Variants in DOCK10 observed in about 807,000 individuals in gnomAD.
DOCK10 encodes dedicator of cytokinesis 10.
DOCK10 carries 145 observed loss-of-function variants against 280.1 expected under a neutral mutation model. The ratio of observed to expected loss-of-function variants is 0.52; its 90% CI spans 0.45 to 0.59. The LOEUF is 0.59. Among genes scored for constraint, DOCK10 ranks in the 20% least tolerant of loss-of-function variants. The pLI is 0.00. For missense variants in DOCK10, 2,368 were observed against 2,651.7 expected (o/e 0.89, Z 2.35); for synonymous variants, 915 against 942.2 (o/e 0.97, Z 0.53).
At chr2:224,858,011 G>A (rs370486972) in intron 14 of DOCK10, among the ~76,000 whole-genome samples, 16 of 152,198 alleles carry the variant, frequency 1.1e-4, no homozygotes, top group African/African-American at 3.9e-4. Flanking sequence ...GTGAATGAGG[G>A]AAGGTAAAAA....
Position 224,796,350 on chromosome 2 carries a change from G to A in DOCK10, c.4904C>T (p.Thr1635Ile), listed in dbSNP as rs201607784. The A allele has an allele frequency of 1.3e-6, 2 of 1,570,652 alleles. No homozygotes were observed. The highest frequency in any genetic ancestry group is 1.2e-5 in the South Asian group (1 of 85,364). The change falls in exon 44 of 56, where the codon ACC becomes ATC. Residue 1635 changes from threonine (T) to isoleucine (I), a missense_variant. Physicochemically the swap from Thr to Ile is moderately conservative, Grantham distance 89. Transcript: ENST00000258390. Reference protein sequence around the residue: ...GSRFQHSLAITNNFANGDKQM... With the variant: ...GSRFQHSLAIINNFANGDKQM... ...CTTATCTCCATTGGCGAAATTATTG[G>A]TAATTGCAAGCGAATGTTGAAACCG...
rs769404710 is a variant in DOCK10 at position 224,807,982 on chromosome 2, T to A, written c.3514A>T (p.Arg1172Ter). The change falls in exon 32 of 56, where the codon AGA becomes TGA. Residue 1172 changes from arginine (R) to a stop codon, truncating the protein, a stop_gained. Coordinates refer to ENST00000258390, the MANE Select transcript of DOCK10 (RefSeq NM_014689.3). LOFTEE classifies it high-confidence loss of function. Reference sequence around the variant, plus strand: ...TTTAGGACAGCTAAAGCTAAGTGTCTGACATCTTGGTCTTCCTGCAGGGCA... The same window carrying A: ...TTTAGGACAGCTAAAGCTAAGTGTCAGACATCTTGGTCTTCCTGCAGGGCA... ...GFALQEDQDV[R>*]HLALAVLKNL... 6.2e-7 allele frequency: 1 copy of A among 1,613,014 alleles called. No individual in the cohort carries two copies. The highest frequency in any genetic ancestry group is 8.5e-7 in the Non-Finnish European group (1 of 1,179,432).
intron 1 of DOCK10, chr2:224,946,970 G>C: frequency 6.5e-7 from 1 of 1,532,908 alleles, no homozygotes; most frequent in Non-Finnish European, 8.8e-7. Context: ...TATAATTTGA[G>C]TCACAAAATA....
At position 224,797,096 on chromosome 2, in the gene DOCK10, A is replaced by G. The variant is rs757789328; in HGVS notation, c.4695T>C (p.Cys1565=). 1 of 1,613,562 alleles carries G rather than the reference A, an allele frequency of 6.2e-7. No homozygotes were observed. The highest frequency in any genetic ancestry group is 1.1e-5 in the South Asian group (1 of 90,994). The change falls in exon 43 of 56, where the codon TGT becomes TGC. Residue 1565 remains cysteine (C), a synonymous_variant. Transcript: ENST00000258390. ...GGTTACAGCATTTTAGGACTTCGTA[A>G]CAGAATGATCCACAGAGGTCAGCAG... ...QGPADLCGSF[C]YEVLKCCNHR...
intron 1 of DOCK10, among the ~76,000 whole-genome samples, chr2:224,962,182 C>G (rs1259185417): frequency 2.6e-5 from 4 of 152,152 alleles, no homozygotes; most frequent in Admixed American, 6.5e-5. Flanking sequence ...GCAGTTTGAC[C>G]AAGATACTTG....
intron 11 of DOCK10, among the ~76,000 whole-genome samples, chr2:224,865,825 ACCT>A (rs1265992637): frequency 6.7e-6 from 1 of 150,138 alleles, no homozygotes; most frequent in Non-Finnish European, 1.5e-5. Flanking sequence ...TCAACTGTTA[ACCT>A]CCTGTTTCTC....
intron 1 of DOCK10, among the ~76,000 whole-genome samples, chr2:224,983,085 G>A (rs1410491355): frequency 1.3e-5 from 2 of 152,140 alleles, no homozygotes; most frequent in Non-Finnish European, 2.9e-5. Context: ...TTACATACGC[G>A]GCTTGCAGGG....
At chr2:224,789,253 A>G (rs1224742352) in intron 47 of DOCK10, 83 bp from the exon 48 acceptor site, 1 of 787,734 alleles carries the variant, frequency 1.3e-6, no homozygotes, top group Non-Finnish European at 2.1e-6. Context: ...TCATGATGTT[A>G]CCAAGTGGTA....
chr2:225,015,635 G>A (rs538555130), intron 1 of DOCK10, among the ~76,000 whole-genome samples: 35 of 152,262 alleles, frequency 2.3e-4, no homozygotes, highest in African/African-American at 7.2e-4. Flanking sequence ...TTTTAGAAAC[G>A]AGGCTCTTGG....
intron 1 of DOCK10, among the ~76,000 whole-genome samples, chr2:225,000,488 G>A (rs1706402746): frequency 6.6e-6 from 1 of 152,186 alleles, no homozygotes; most frequent in South Asian, 2.1e-4. Context: ...AGCATTTCCT[G>A]TTCGTAATTC....
At chr2:225,016,756 G>A (rs1481197387) in intron 1 of DOCK10, among the ~76,000 whole-genome samples, 1 of 150,980 alleles carries the variant, frequency 6.6e-6, no homozygotes, top group Non-Finnish European at 1.5e-5. Flanking sequence ...AGGCTGGAGT[G>A]CAGTGGTGAA....
At chr2:224,960,274 T>TC (rs1704290250) in intron 1 of DOCK10, among the ~76,000 whole-genome samples, 1 of 152,186 alleles carries the variant, frequency 6.6e-6, no homozygotes, top group Admixed American at 6.5e-5. Flanking sequence ...TCTGAGGGGA[T>TC]TCCCCTACCT....
chr2:224,942,732 C>T (rs1575093747), intron 1 of DOCK10, among the ~76,000 whole-genome samples: 1 of 152,082 alleles, frequency 6.6e-6, no homozygotes, highest in Non-Finnish European at 1.5e-5. Flanking sequence ...AGATTATATC[C>T]TCTACTTATA....
chr2:224,940,438 G>C (rs1702967789), intron 1 of DOCK10, among the ~76,000 whole-genome samples: 1 of 152,120 alleles, frequency 6.6e-6, no homozygotes, highest in Non-Finnish European at 1.5e-5. Context: ...TGTTTATTTG[G>C]ATTTGAATGG....
chr2:224,828,611 C>T (rs1695019882), intron 27 of DOCK10, among the ~76,000 whole-genome samples: 1 of 152,126 alleles, frequency 6.6e-6, no homozygotes, highest in African/African-American at 2.4e-5. Flanking sequence ...AGGGGTGTTT[C>T]CCATCTGTTG....
At chr2:224,982,485 C>A (rs1705801367) in intron 1 of DOCK10, 2 of 1,227,540 alleles carry the variant, frequency 1.6e-6, no homozygotes, top group Non-Finnish European at 2.0e-6. Flanking sequence ...ACTCTCCAAT[C>A]ACTTCCTTGA....
Position 224,968,289 on chromosome 2 carries a change from G to A in DOCK10, c.124-36621C>T, listed in dbSNP as rs1171129458. ...AAAGAGCGCCAGAAAATGACCTCCC[G>A]GAACTAAGAATAGTTTAAACTTTTG... On this transcript the variant is annotated intron_variant, in intron 1 of 55. Transcript: ENST00000258390. 3.3e-5 allele frequency among the ~76,000 whole-genome samples: 5 copies of A among 152,058 alleles called. No homozygotes were observed. The East Asian group carries it at 5.8e-4, about 18-fold the overall frequency.
chr2:224,918,181 CTGATG>C (rs1429423778), intron 2 of DOCK10, among the ~76,000 whole-genome samples: 3 of 152,188 alleles, frequency 2.0e-5, no homozygotes, highest in Non-Finnish European at 4.4e-5. Flanking sequence ...TTCTTCACTC[CTGATG>C]TAAGTGCAGG....
At chr2:224,907,150 G>A (rs114796805) in intron 3 of DOCK10, among the ~76,000 whole-genome samples, 4,127 of 152,316 alleles carry the variant, frequency 0.027, 87 homozygotes, top group Non-Finnish European at 0.036. Flanking sequence ...CAAGAGAAAG[G>A]CTAATCTGAT....
Sources: gnomAD v4.1 joint callset for allele counts (sites outside exome capture counted in the v4.1 genomes callset) on GRCh38, gnomAD v4.1.1 for gene constraint, MANE v1.5 for transcripts, NCBI Gene and HGNC (gene_info 2026-07-23, HGNC 2026-07-21) for gene names.